The following GALNT14 variants were observed in gnomAD, a reference collection of about 807,000 sequenced individuals.
The protein encoded by GALNT14 is UDP-GalNAc:polypeptide N-acetylgalactosaminyltransferase 14.
GALNT14 carries 60 observed loss-of-function variants against 77.5 expected under a neutral mutation model. The observed-to-expected ratio is 0.77, with a 90% CI of 0.63 to 0.96. GALNT14 has a LOEUF of 0.96. Among genes scored for constraint, GALNT14 ranks in the 40% least tolerant of loss-of-function variants. The pLI, the probability that GALNT14 is intolerant of heterozygous loss-of-function variation, is 0.00. For missense variants in GALNT14, 710 were observed against 731.0 expected (o/e 0.97, Z 0.33); for synonymous variants, 280 against 281.7 (o/e 0.99, Z 0.06).
At chr2:31,134,511 T>G (rs1370672425) in intron 1 of GALNT14, among the ~76,000 whole-genome samples, 1 of 152,220 alleles carries the variant, frequency 6.6e-6, no homozygotes, top group East Asian at 1.9e-4. Flanking sequence ...GAAGAAACAA[T>G]CTCTGCCCTG....
At chr2:30,911,795 G>A (rs1664379363) in intron 14 of GALNT14, among the ~76,000 whole-genome samples, 1 of 152,192 alleles carries the variant, frequency 6.6e-6, no homozygotes. Flanking sequence ...ACATCACTTT[G>A]CTGCTAGAGG....
chr2:30,990,842 A>C (rs918350065), intron 2 of GALNT14, among the ~76,000 whole-genome samples: 1 of 152,164 alleles, frequency 6.6e-6, no homozygotes, highest in African/African-American at 2.4e-5. Flanking sequence ...TGGCTGATAC[A>C]CTTTCCCTTT....
At chr2:31,026,648 C>G (rs948226907) in intron 1 of GALNT14, among the ~76,000 whole-genome samples, 1 of 152,188 alleles carries the variant, frequency 6.6e-6, no homozygotes, top group Non-Finnish European at 1.5e-5. Context: ...GGGGTCTAGT[C>G]CTGCCTCTGC....
intron 1 of GALNT14, among the ~76,000 whole-genome samples, chr2:31,047,563 TAG>T (rs1179865163): frequency 6.6e-6 from 1 of 152,200 alleles, no homozygotes; most frequent in Non-Finnish European, 1.5e-5. Flanking sequence ...CAACATTTCT[TAG>T]GCCCCAAGGC....
rs149038417 is a variant in GALNT14, at chr2:30,911,666, G to A, written c.1500+557C>T. ...AACCCCATTTCAGAGAGGAGGAAAT[G>A]GACATCCAGAGAGGTCCAATAACCT... On this transcript the variant is annotated intron_variant, in intron 14 of 14. Coordinates refer to ENST00000349752, the MANE Select transcript of GALNT14 (RefSeq NM_024572.4). Among the ~76,000 whole-genome samples the A allele has an allele frequency of 1.7e-4, 26 of 152,320 alleles. No individual in the cohort carries two copies. In the East Asian group the frequency reaches 4.6e-3, roughly 27 times the overall value.
Position 31,138,051 on chromosome 2 carries a change from G to C in GALNT14, c.36C>G (p.Val12=). Residue 12 remains valine, a synonymous_variant, in exon 1 of 15, where the codon GTC becomes GTG. Transcript: ENST00000349752. The part of the protein sequence containing the change: ...RRLTRRLVLP[V]FGVLWITVLL... The stretch of plus-strand genomic sequence containing the variant: ...GCACCGTGATCCAGAGCACCCCGAA[G>C]ACTGGCAGAACCAGCCGACGAGTCA... The C allele has an allele frequency of 1.2e-6, 2 of 1,613,820 alleles. No individual in the cohort carries two copies. The highest frequency in any genetic ancestry group is 1.1e-5 in the South Asian group (1 of 91,086).
chr2:30,926,394 T>C (rs1665380874), intron 11 of GALNT14, among the ~76,000 whole-genome samples: 1 of 152,008 alleles, frequency 6.6e-6, no homozygotes, highest in Non-Finnish European at 1.5e-5. Flanking sequence ...GAGGAGTAAG[T>C]TTAGGAGCGA....
rs1669790074 is a variant in GALNT14, at chr2:30,992,838, C to G, written c.299G>C (p.Arg100Thr). The change falls in exon 2 of 15, where the codon AGA (arginine) becomes ACA (threonine). Residue 100 changes from arginine (R) to threonine (T), a missense_variant and splice_region_variant. Physicochemically the swap from Arg to Thr is moderately conservative, Grantham distance 71 (BLOSUM62 -1). Transcript: ENST00000349752. ...ACAGAGTGGGAGAAGGAGGAAGTACCTCAGATGGCGAGTGTCCGGGATGGC... is the reference window on the plus strand; with the variant it reads ...ACAGAGTGGGAGAAGGAGGAAGTACGTCAGATGGCGAGTGTCCGGGATGGC... ...NRAIPDTRHL[R>T]CTLLVYCTDL... 3 of 1,612,858 alleles carry G rather than the reference C, an allele frequency of 1.9e-6. No individual in the cohort carries two copies. In the East Asian group the frequency reaches 6.7e-5, roughly 36 times the overall value.
chr2:30,993,427 A>C (rs1328660742), intron 1 of GALNT14, among the ~76,000 whole-genome samples: 4 of 152,232 alleles, frequency 2.6e-5, no homozygotes, highest in African/African-American at 9.6e-5. Flanking sequence ...CCATCTCTCC[A>C]GGGCAATCTG....
At chr2:31,121,415 G>C (rs1032596781) in intron 1 of GALNT14, among the ~76,000 whole-genome samples, 1 of 152,176 alleles carries the variant, frequency 6.6e-6, no homozygotes, top group African/African-American at 2.4e-5. Context: ...GCCCCTTTAA[G>C]AGCAATGGAC....
In GALNT14 at chr2:31,069,724, G is replaced by A. The variant is rs1039449749; in HGVS notation, c.129+68234C>T. 5.9e-5 allele frequency among the ~76,000 whole-genome samples: 9 copies of A among 152,270 alleles called. No homozygotes were observed. The East Asian group carries it at 1.2e-3, about 20-fold the overall frequency. On this transcript the variant is annotated intron_variant, in intron 1 of 14. Transcript: ENST00000349752. The stretch of plus-strand genomic sequence containing the variant: ...ACACCCAAAAGTAAAAGCTGAACTC[G>A]CAATAGAAAGATGTCTTTTTCTTCC...
chr2:30,933,610 C>T (rs906709931), intron 9 of GALNT14, among the ~76,000 whole-genome samples: 5 of 152,186 alleles, frequency 3.3e-5, no homozygotes, highest in African/African-American at 1.2e-4. Flanking sequence ...GCTGTTCACT[C>T]CCAGGAAGCC....
At chr2:31,125,674 T>C (rs1040436585) in intron 1 of GALNT14, among the ~76,000 whole-genome samples, 2 of 152,200 alleles carry the variant, frequency 1.3e-5, no homozygotes, top group Non-Finnish European at 2.9e-5. Context: ...ATAGCAGGTA[T>C]TTGTTTTTGC....
At chr2:31,087,488 A>AAGAGAGGAGAGGAGAGGAGG (rs1676496494) in intron 1 of GALNT14, among the ~76,000 whole-genome samples, 1 of 151,722 alleles carries the variant, frequency 6.6e-6, no homozygotes, top group African/African-American at 2.4e-5. Flanking sequence ...AGGAGAGGAG[A>AAGAGAGGAGAGGAGAGGAGG]AGAGAGGAGA....
intron 1 of GALNT14, among the ~76,000 whole-genome samples, chr2:31,077,521 A>G (rs1225573323): frequency 6.6e-6 from 1 of 152,126 alleles, no homozygotes; most frequent in African/African-American, 2.4e-5. Flanking sequence ...TGCTGCTACA[A>G]ACCTCCAAAG....
At chr2:30,930,268 T>C (rs917582306) in intron 10 of GALNT14, among the ~76,000 whole-genome samples, 2 of 152,210 alleles carry the variant, frequency 1.3e-5, no homozygotes, top group African/African-American at 2.4e-5. Context: ...CTCTTGCTCC[T>C]GGGTTCTATC....
At chr2:31,052,684 A>G (rs1189190116) in intron 1 of GALNT14, among the ~76,000 whole-genome samples, 1 of 152,152 alleles carries the variant, frequency 6.6e-6, no homozygotes, top group Non-Finnish European at 1.5e-5. Flanking sequence ...ACTGCACAGG[A>G]CAGCACCGGC....
rs115463328 is a variant in GALNT14 at position 30,929,516 on chromosome 2, T to C, written c.1059-29A>G. 1,350 of 1,561,314 alleles carry C rather than the reference T, an allele frequency of 8.6e-4. 8 individuals are homozygous for C. In the African/African-American group the frequency reaches 0.016, roughly 19 times the overall value. On this transcript the variant is annotated intron_variant, in intron 10 of 14. Transcript: ENST00000349752. ...GGAAAACAAGGAGTGACAAGGGGTG[T>C]CAGTAAGGGGCTGTCTGAGAGGCCC...
chr2:30,976,016 T>C (rs1668605129), intron 2 of GALNT14, among the ~76,000 whole-genome samples: 1 of 152,198 alleles, frequency 6.6e-6, no homozygotes, highest in African/African-American at 2.4e-5. Context: ...CCATGGATCA[T>C]ACCTGCATTC....
Sources: gnomAD v4.1 joint callset for allele counts (sites outside exome capture counted in the v4.1 genomes callset) on GRCh38, gnomAD v4.1.1 for gene constraint, MANE v1.5 for transcripts, NCBI Gene and HGNC (gene_info 2026-07-23, HGNC 2026-07-21) for gene names.